EXD3: variants seen among roughly 807,000 people sequenced by gnomAD.
EXD3 encodes the protein exonuclease 3'-5' domain containing 3.
Under a neutral mutation model 98.0 loss-of-function variants are expected in EXD3, and 92 were observed. The ratio of observed to expected loss-of-function variants is 0.94; its 90% CI spans 0.79 to 1.12. The LOEUF (loss-of-function observed/expected upper bound fraction) is 1.12. EXD3 is among the 50% of genes most tolerant of loss of function. The probability of loss-of-function intolerance (pLI) is 0.00; values close to 1 mark genes in which losing one functional copy is unlikely to be tolerated. For synonymous variants in EXD3, 569 were observed against 526.0 expected (o/e 1.08, Z -1.12); for missense variants, 1,222 against 1,191.6 (o/e 1.03, Z -0.38).
At chr9:137,374,983 G>C (rs921644384) in intron 3 of EXD3, 4 of 431,010 alleles carry the variant, frequency 9.3e-6, no homozygotes, top group African/African-American at 8.6e-5. Flanking sequence ...GCTCTAGTAA[G>C]TTGTAGCTCT....
rs1831120538 is a variant in EXD3, at chr9:137,307,680, G to A, written c.2279-34C>T. The A allele has an allele frequency of 3.1e-6, 5 of 1,605,598 alleles. No homozygotes were observed. In the East Asian group the frequency reaches 1.1e-4, roughly 36 times the overall value. On this transcript the variant is annotated intron_variant, in intron 20 of 21. Transcript: ENST00000340951. ...CAAGGAAGAGAGCTGGTCCGGGACT[G>A]TCCTAGGGATGGGGCTTGGCAGCCA...
intron 2 of EXD3, among the ~76,000 whole-genome samples, chr9:137,390,119 CAAAAAAAAAAAAAAA>C (rs34716316): frequency 4.3e-5 from 1 of 23,382 alleles, no homozygotes; most frequent in Non-Finnish European, 7.0e-5. Context: ...GAGACTCTGT[CAAAAAAAAAAAAAAA>C]AAAAAAAAAA....
At chr9:137,356,660 G>A (rs373564077) in intron 7 of EXD3, among the ~76,000 whole-genome samples, 28 of 152,306 alleles carry the variant, frequency 1.8e-4, no homozygotes, top group East Asian at 7.7e-4. Context: ...GTGGACTCCC[G>A]AAATAACAGT....
chr9:137,329,360 A>AG (rs1214636246), intron 17 of EXD3, among the ~76,000 whole-genome samples: 1 of 8,366 alleles, frequency 1.2e-4, no homozygotes, highest in Non-Finnish European at 2.3e-4. Flanking sequence ...GCTACACGGG[A>AG]CTACACGGGA....
intron 3 of EXD3, among the ~76,000 whole-genome samples, chr9:137,373,885 C>T (rs1262793909): frequency 6.6e-6 from 1 of 152,246 alleles, no homozygotes; most frequent in Non-Finnish European, 1.5e-5. Context: ...AACCGTAGCC[C>T]GAGCCACAGG....
chr9:137,372,654 G>A (rs564247046), intron 5 of EXD3, among the ~76,000 whole-genome samples: 2 of 152,192 alleles, frequency 1.3e-5, no homozygotes, highest in African/African-American at 4.8e-5. Flanking sequence ...ACACAGGGTC[G>A]GCAGGGGGAG....
chr9:137,326,314 A>C (rs916386134), intron 17 of EXD3, among the ~76,000 whole-genome samples: 4 of 152,216 alleles, frequency 2.6e-5, no homozygotes, highest in African/African-American at 9.7e-5. Flanking sequence ...GTTGATATCC[A>C]GAGTATAGGA....
intron 17 of EXD3, among the ~76,000 whole-genome samples, chr9:137,327,227 G>A (rs542990575): frequency 2.3e-4 from 34 of 150,164 alleles, no homozygotes; most frequent in African/African-American, 7.3e-4. Flanking sequence ...TCTGCCTCCC[G>A]GGTTCACGCC....
intron 3 of EXD3, among the ~76,000 whole-genome samples, chr9:137,374,119 T>C (rs1835779044): frequency 6.6e-6 from 1 of 152,274 alleles, no homozygotes; most frequent in Admixed American, 6.5e-5. Context: ...CTACAGCAAG[T>C]TGGCCCTCGC....
intron 8 of EXD3, among the ~76,000 whole-genome samples, chr9:137,355,456 AAGGAGAAAGGAGG>A: frequency 7.9e-6 from 1 of 126,784 alleles, no homozygotes; most frequent in African/African-American, 3.4e-5. Context: ...AGGATGGAGG[AAGGAGAAAGGAGG>A]AAGGAGGAAG....
At chr9:137,378,853 G>C (rs1442015783) in intron 3 of EXD3, among the ~76,000 whole-genome samples, 1 of 152,186 alleles carries the variant, frequency 6.6e-6, no homozygotes, top group Non-Finnish European at 1.5e-5. Context: ...GGGGAATGGG[G>C]CGTCTGTGTG....
rs997678239 is a variant in EXD3, at chr9:137,351,550, T to C, written c.1174-22A>G. On this transcript the variant is annotated intron_variant, in intron 12 of 21. Coordinates refer to ENST00000340951, the MANE Select transcript of EXD3 (RefSeq NM_017820.5). ...GGCACTGCGGGCAGAGAGGGGCAGA[T>C]GTGATCATCAGGGCCAACTTGGCTC... 21 of 1,562,402 alleles carry C rather than the reference T, an allele frequency of 1.3e-5. No individual in the cohort carries two copies. In the Admixed American group the frequency reaches 1.5e-4, roughly 11 times the overall value.
At chr9:137,373,868 G>C (rs1835765930) in intron 3 of EXD3, among the ~76,000 whole-genome samples, 1 of 152,250 alleles carries the variant, frequency 6.6e-6, no homozygotes, top group African/African-American at 2.4e-5. Flanking sequence ...CCGCTGGCCT[G>C]GGAGGCAACC....
intron 3 of EXD3, among the ~76,000 whole-genome samples, chr9:137,382,498 G>A (rs1389631022): frequency 6.6e-6 from 1 of 152,156 alleles, no homozygotes. Flanking sequence ...GCCTGGAAAT[G>A]GAACGGCAGA....
At chr9:137,326,481 G>A (rs908988025) in intron 17 of EXD3, among the ~76,000 whole-genome samples, 1 of 152,082 alleles carries the variant, frequency 6.6e-6, no homozygotes, top group African/African-American at 2.4e-5. Flanking sequence ...AGCTGTGATC[G>A]TGTCACTGCA....
chr9:137,326,625 T>C (rs578254483), intron 17 of EXD3, among the ~76,000 whole-genome samples: 1 of 152,268 alleles, frequency 6.6e-6, no homozygotes, highest in South Asian at 2.1e-4. Context: ...ACATTATTCG[T>C]CATGAGCGAC....
At chr9:137,411,196 C>T (rs1015985758) in intron 1 of EXD3, among the ~76,000 whole-genome samples, 8 of 152,278 alleles carry the variant, frequency 5.3e-5, no homozygotes, top group African/African-American at 1.4e-4. Flanking sequence ...TAGATGATGC[C>T]GAATGGAGCG....
At chr9:137,314,524 C>T (rs988223631) in intron 19 of EXD3, among the ~76,000 whole-genome samples, 26 of 152,172 alleles carry the variant, frequency 1.7e-4, no homozygotes, top group Non-Finnish European at 2.4e-4. Context: ...CAGTGACCCC[C>T]GCCCTAAGGC....
chr9:137,352,219 G>A lies in EXD3; in HGVS notation c.1038-18C>T. 6.2e-7 allele frequency: 1 copy of A among 1,612,236 alleles called. No individual in the cohort carries two copies. The highest frequency in any genetic ancestry group is 8.5e-7 in the Non-Finnish European group (1 of 1,179,554). On this transcript the variant is annotated intron_variant, in intron 11 of 21. Transcript: ENST00000340951. Reference sequence around the variant, plus strand: ...CAGTCGCCCTGGGAGGAGCAGAGCTGGTAGCGCCCCCATGTCCCTGGTCCC... The same window carrying A: ...CAGTCGCCCTGGGAGGAGCAGAGCTAGTAGCGCCCCCATGTCCCTGGTCCC...
Sources: gnomAD v4.1 joint callset for allele counts (sites outside exome capture counted in the v4.1 genomes callset) on GRCh38, gnomAD v4.1.1 for gene constraint, MANE v1.5 for transcripts, NCBI Gene and HGNC (gene_info 2026-07-23, HGNC 2026-07-21) for gene names.